LHFPL3: variants seen among roughly 807,000 people sequenced by gnomAD.
LHFPL3 encodes LHFPL tetraspan subfamily member 3, also known as LHFPL tetraspan subfamily member 3 protein.
In LHFPL3, 5 loss-of-function variants were observed where a neutral mutation model predicts 19.3. The ratio of observed to expected loss-of-function variants is 0.26; its 90% CI spans 0.14 to 0.54. The LOEUF (loss-of-function observed/expected upper bound fraction) is 0.54, where lower values mean the gene tolerates loss of function less well. LHFPL3 is among the 20% of genes least tolerant of loss of function. LHFPL3 has a pLI of 0.94. For synonymous variants in LHFPL3, 133 were observed against 126.2 expected (o/e 1.05, Z -0.36); for missense variants, 249 against 307.4 (o/e 0.81, Z 1.42).
chr7:104,666,423 C>A (rs1792343411), intron 1 of LHFPL3, among the ~76,000 whole-genome samples: 1 of 149,780 alleles, frequency 6.7e-6, no homozygotes, highest in African/African-American at 2.5e-5. Flanking sequence ...TGAGAACATG[C>A]AGTATTTGTC....
chr7:104,420,859 G>GC (rs1791719263), intron 1 of LHFPL3, among the ~76,000 whole-genome samples: 1 of 152,226 alleles, frequency 6.6e-6, no homozygotes, highest in Admixed American at 6.5e-5. Context: ...ACCGCGCCCG[G>GC]CCCCCCAAAG....
intron 1 of LHFPL3, among the ~76,000 whole-genome samples, chr7:104,583,521 G>A (rs1790503943): frequency 6.6e-6 from 1 of 152,126 alleles, no homozygotes; most frequent in South Asian, 2.1e-4. Flanking sequence ...GAGTAAACAG[G>A]CAACCTACAG....
chr7:104,547,385 C>T (rs532322855), intron 1 of LHFPL3, among the ~76,000 whole-genome samples: 7 of 151,180 alleles, frequency 4.6e-5, no homozygotes, highest in South Asian at 2.1e-4. Flanking sequence ...TCAAAACACT[C>T]GAGGGGTAGA....
At chr7:104,845,531 G>A in intron 2 of LHFPL3, 2 of 1,390,970 alleles carry the variant, frequency 1.4e-6, no homozygotes, top group South Asian at 1.4e-5. Flanking sequence ...CGCTTTCAGC[G>A]CTTAGCACTT....
intron 1 of LHFPL3, among the ~76,000 whole-genome samples, chr7:104,672,123 T>C (rs374517429): frequency 1.6e-4 from 24 of 151,476 alleles, no homozygotes; most frequent in East Asian, 7.7e-4. Flanking sequence ...TTCTGTGTAG[T>C]AGGGTGTATG....
At chr7:104,358,794 CTCTTT>C (rs1269902757) in intron 1 of LHFPL3, among the ~76,000 whole-genome samples, 5 of 152,164 alleles carry the variant, frequency 3.3e-5, no homozygotes, top group Non-Finnish European at 7.4e-5. Context: ...ACTGCCATGG[CTCTTT>C]TCTTCTCGAT....
intron 2 of LHFPL3, among the ~76,000 whole-genome samples, chr7:104,823,527 G>A (rs140493848): frequency 6.6e-5 from 10 of 152,168 alleles, no homozygotes; most frequent in South Asian, 2.1e-4. Context: ...TTTCTATGAC[G>A]TATTTCCTCT....
intron 1 of LHFPL3, among the ~76,000 whole-genome samples, chr7:104,496,285 C>T (rs1280584848): frequency 6.6e-6 from 1 of 152,210 alleles, no homozygotes; most frequent in African/African-American, 2.4e-5. Context: ...CATGTCCCTA[C>T]AAAGGACATG....
At chr7:104,765,946 C>T (rs1235767261) in intron 2 of LHFPL3, among the ~76,000 whole-genome samples, 1 of 152,230 alleles carries the variant, frequency 6.6e-6, no homozygotes, top group Non-Finnish European at 1.5e-5. Context: ...AACCTCCACA[C>T]TCCTGACCAC....
intron 1 of LHFPL3, among the ~76,000 whole-genome samples, chr7:104,632,820 A>AT (rs1791667249): frequency 6.6e-6 from 1 of 151,990 alleles, no homozygotes; most frequent in South Asian, 2.1e-4. Flanking sequence ...AAATACAGTA[A>AT]TTTTTTGCAT....
chr7:104,869,232 G>A (rs1331071713), intron 2 of LHFPL3, among the ~76,000 whole-genome samples: 2 of 152,144 alleles, frequency 1.3e-5, no homozygotes, highest in East Asian at 3.8e-4. Context: ...AGCCAAAATT[G>A]ACAAATGGAA....
intron 2 of LHFPL3, among the ~76,000 whole-genome samples, chr7:104,904,998 C>T (rs2116738113): frequency 6.6e-6 from 1 of 152,260 alleles, no homozygotes; most frequent in East Asian, 1.9e-4. Flanking sequence ...CTCTGTCACC[C>T]AGGCTGGAGT....
chr7:104,472,634 ATTATACCCAT>A (rs1212853991), intron 1 of LHFPL3, among the ~76,000 whole-genome samples: 3 of 152,146 alleles, frequency 2.0e-5, no homozygotes, highest in African/African-American at 7.2e-5. Flanking sequence ...ATGTTATCCT[ATTATACCCAT>A]TATTATGTAA....
At chr7:104,893,689 C>T (rs561610808) in intron 2 of LHFPL3, among the ~76,000 whole-genome samples, 33 of 152,238 alleles carry the variant, frequency 2.2e-4, no homozygotes, top group African/African-American at 7.2e-4. Flanking sequence ...CAGTGGCTCA[C>T]GCCTGTAATC....
At chr7:104,498,317 A>T (rs936530361) in intron 1 of LHFPL3, among the ~76,000 whole-genome samples, 1 of 152,136 alleles carries the variant, frequency 6.6e-6, no homozygotes, top group Non-Finnish European at 1.5e-5. Context: ...AGGACCCATG[A>T]GTTCTATCAA....
chr7:104,417,422 T>C (rs1030636496), intron 1 of LHFPL3, among the ~76,000 whole-genome samples: 8 of 152,244 alleles, frequency 5.3e-5, no homozygotes, highest in African/African-American at 1.9e-4. Context: ...ATTGATAAAA[T>C]AGGCATAAAA....
intron 1 of LHFPL3, among the ~76,000 whole-genome samples, chr7:104,460,690 TG>T (rs2115569245): frequency 6.6e-6 from 1 of 152,266 alleles, no homozygotes; most frequent in South Asian, 2.1e-4. Flanking sequence ...ACTTTTTTAA[TG>T]GGGTTATTTG....
intron 1 of LHFPL3, among the ~76,000 whole-genome samples, chr7:104,497,115 GATT>G: frequency 6.6e-6 from 1 of 151,956 alleles, no homozygotes; most frequent in South Asian, 2.1e-4. Context: ...TGGAAAAGTA[GATT>G]ATCTGATTAC....
chr7:104,337,427 G>A (rs1333636669), intron 1 of LHFPL3, among the ~76,000 whole-genome samples: 1 of 152,126 alleles, frequency 6.6e-6, no homozygotes, highest in African/African-American at 2.4e-5. Flanking sequence ...GTGCAGAGCT[G>A]TGTGCAAATC....
Sources: gnomAD v4.1 joint callset for allele counts (sites outside exome capture counted in the v4.1 genomes callset) on GRCh38, gnomAD v4.1.1 for gene constraint, MANE v1.5 for transcripts, NCBI Gene and HGNC (gene_info 2026-07-23, HGNC 2026-07-21) for gene names.